Variants in ZW10 observed in about 807,000 individuals in gnomAD.
ZW10 encodes centromere/kinetochore protein zw10 homolog.
Under a neutral mutation model 87.8 loss-of-function variants are expected in ZW10, and 53 were observed. The observed-to-expected ratio is 0.60, with a 90% CI of 0.48 to 0.76. ZW10 has a LOEUF of 0.76. Among genes scored for constraint, ZW10 ranks in the 30% least tolerant of loss-of-function variants. The probability of loss-of-function intolerance (pLI) is 0.00; values close to 1 mark genes in which losing one functional copy is unlikely to be tolerated. For synonymous variants in ZW10, 312 were observed against 329.2 expected, an observed-to-expected ratio of 0.95 and a Z score of 0.57; for missense variants, 837 against 923.0, an observed-to-expected ratio of 0.91 and a Z score of 1.21.
chr11:113,763,136 G>A (rs1953879360), intron 2 of ZW10, among the ~76,000 whole-genome samples: 1 of 152,152 alleles, frequency 6.6e-6, no homozygotes. Flanking sequence ...CTACTCCTGT[G>A]TTAGTTTGCT....
Position 113,768,871 on chromosome 11 carries a change from C to T in ZW10, c.202G>A (p.Glu68Lys). 1 of 1,614,220 alleles carries T rather than the reference C, an allele frequency of 6.2e-7. No individual in the cohort carries two copies. Among genetic ancestry groups the T allele is most frequent in the African/African-American group, 1.3e-5 (1 of 75,054 alleles). The change falls in exon 2 of 16, where the codon GAA (glutamate) becomes AAA (lysine). Residue 68 changes from glutamate (E) to lysine (K), a missense_variant. Coordinates refer to ENST00000200135, the MANE Select transcript of ZW10 (RefSeq NM_004724.4). ...GLITQVDKLS[E>K]DIDLLKSRIE... ...CTGGATTTCAGCAGGTCAATGTCTT[C>T]AGATAGCTTATCCACCTGGGTAATC...
intron 12 of ZW10, among the ~76,000 whole-genome samples, chr11:113,738,654 G>C (rs1953578668): frequency 6.6e-6 from 1 of 151,990 alleles, no homozygotes; most frequent in Non-Finnish European, 1.5e-5. Context: ...AATTACTATA[G>C]AAAAAGGAAC....
chr11:113,770,804 C>T (rs1033275271), intron 1 of ZW10, among the ~76,000 whole-genome samples: 2 of 142,068 alleles, frequency 1.4e-5, no homozygotes, highest in Non-Finnish European at 3.0e-5. Flanking sequence ...GGCGACAGGG[C>T]GAGAGAGACT....
At position 113,747,538 on chromosome 11, in the gene ZW10, G is replaced by A; in HGVS notation, c.1265C>T (p.Thr422Ile). ...GCAATATAACACTGGTACCTTCACA[G>A]TGTTATGAATTTCTGAGGTCATTAG... ...RNLMTSEIHN[T>I]VKIIPDSKIN... The change falls in exon 9 of 16, where the codon ACT (threonine) becomes ATT (isoleucine). Residue 422 changes from threonine (T) to isoleucine (I), a missense_variant. Coordinates refer to ENST00000200135, the MANE Select transcript of ZW10 (RefSeq NM_004724.4). The A allele has an allele frequency of 1.2e-6, 2 of 1,611,786 alleles. No individual in the cohort carries two copies. The highest frequency in any genetic ancestry group is 2.2e-5 in the East Asian group (1 of 44,834).
intron 10 of ZW10, among the ~76,000 whole-genome samples, chr11:113,742,765 C>A (rs1953635130): frequency 6.6e-6 from 1 of 152,172 alleles, no homozygotes; most frequent in South Asian, 2.1e-4. Flanking sequence ...ATATTCATTT[C>A]TTCCTTCTTA....
At chr11:113,772,202 A>G (rs1170821178) in intron 1 of ZW10, among the ~76,000 whole-genome samples, 3 of 152,234 alleles carry the variant, frequency 2.0e-5, no homozygotes, top group Admixed American at 2.0e-4. Context: ...TGAAGATTCA[A>G]GTTGGTAAAG....
chr11:113,754,885 C>A (rs561815105), intron 7 of ZW10, among the ~76,000 whole-genome samples: 88 of 152,294 alleles, frequency 5.8e-4, no homozygotes, highest in African/African-American at 2.1e-3. Flanking sequence ...AAGCAATTCT[C>A]TTACCGTGGC....
intron 7 of ZW10, among the ~76,000 whole-genome samples, chr11:113,751,899 C>G (rs937211974): frequency 1.3e-5 from 2 of 151,896 alleles, no homozygotes; most frequent in Non-Finnish European, 2.9e-5. Context: ...ACTAATGATT[C>G]CCTTATTGCT....
At chr11:113,752,744 C>T (rs1165119258) in intron 7 of ZW10, among the ~76,000 whole-genome samples, 3 of 152,222 alleles carry the variant, frequency 2.0e-5, no homozygotes, top group Non-Finnish European at 4.4e-5. Flanking sequence ...ATGTCTCTAT[C>T]TCCTAGGGTT....
intron 7 of ZW10, among the ~76,000 whole-genome samples, chr11:113,753,670 T>C (rs1167844977): frequency 6.6e-6 from 1 of 152,218 alleles, no homozygotes; most frequent in East Asian, 1.9e-4. Flanking sequence ...CCTCCCAAAG[T>C]GCTGGAACTA....
chr11:113,750,858 GT>G (rs551864128), intron 7 of ZW10, among the ~76,000 whole-genome samples: 23 of 144,274 alleles, frequency 1.6e-4, no homozygotes, highest in Middle Eastern at 3.6e-3. Context: ...AAGTGATCTT[GT>G]TTTTTTTTTT....
At chr11:113,750,854 T>C (rs1275866198) in intron 7 of ZW10, among the ~76,000 whole-genome samples, 1 of 151,262 alleles carries the variant, frequency 6.6e-6, no homozygotes, top group Admixed American at 6.6e-5. Context: ...AAAGAAGTGA[T>C]CTTGTTTTTT....
chr11:113,763,457 A>C (rs567992316), intron 2 of ZW10, among the ~76,000 whole-genome samples: 3 of 152,296 alleles, frequency 2.0e-5, no homozygotes, highest in Admixed American at 2.0e-4. Flanking sequence ...CTTCCACAAC[A>C]GTTGAACTAA....
chr11:113,758,256 T>TG (rs901366095), intron 6 of ZW10, among the ~76,000 whole-genome samples: 1 of 151,228 alleles, frequency 6.6e-6, no homozygotes, highest in African/African-American at 2.4e-5. Context: ...ACATATACCA[T>TG]GACATTACAC....
Position 113,747,680 on chromosome 11 carries a change from G to A in ZW10, c.1123C>T (p.Leu375=), listed in dbSNP as rs1012177665. 6.2e-7 allele frequency: 1 copy of A among 1,611,564 alleles called. No individual in the cohort carries two copies. The part of the protein sequence containing the change: ...IQSTEEFENA[L]KEMRFLKGDT... ...CCTTTTAAAAATCTCATTTCCTTTA[G>A]GGCATTTTCAAATTCTTCAGTGGAC... The change falls in exon 9 of 16, where the codon CTA becomes TTA. Residue 375 remains leucine (L), a synonymous_variant. Transcript: ENST00000200135.
intron 2 of ZW10, among the ~76,000 whole-genome samples, chr11:113,766,890 G>A (rs1041548264): frequency 6.6e-6 from 1 of 151,556 alleles, no homozygotes; most frequent in Non-Finnish European, 1.5e-5. Flanking sequence ...GGTGGCACAC[G>A]CCTGTAATCC....
chr11:113,736,460 C>A (rs1465850388), intron 15 of ZW10, among the ~76,000 whole-genome samples, 160 bp downstream of exon 15: 2 of 152,130 alleles, frequency 1.3e-5, no homozygotes, highest in Admixed American at 6.5e-5. Context: ...ATGAGATCTG[C>A]ATTATGATAG....
At chr11:113,772,892 C>A (rs1163193116) in intron 1 of ZW10, among the ~76,000 whole-genome samples, 1 of 151,262 alleles carries the variant, frequency 6.6e-6, no homozygotes, top group African/African-American at 2.4e-5. Context: ...GAGGCTGAGG[C>A]AGGAGAATCG....
At chr11:113,760,705 G>GA in intron 3 of ZW10, 112 bp downstream of exon 3, 1 of 773,354 alleles carries the variant, frequency 1.3e-6, no homozygotes, top group South Asian at 2.7e-5. Context: ...AAAAAAAAAA[G>GA]AAAGAAAAAA....
Sources: allele counts gnomAD v4.1 joint callset (sites outside exome capture counted in the v4.1 genomes callset), GRCh38; gene constraint gnomAD v4.1.1; transcripts MANE v1.5; gene names NCBI Gene and HGNC (gene_info 2026-07-23, HGNC 2026-07-21).